The following RASGEF1C variants were observed in gnomAD, a reference collection of about 807,000 sequenced individuals.
RASGEF1C encodes RasGEF domain family member 1C.
In RASGEF1C, 27 loss-of-function variants were observed where a neutral mutation model predicts 58.1. The observed-to-expected ratio is 0.46, with a 90% CI of 0.34 to 0.64. The LOEUF is 0.64. Among genes scored for constraint, RASGEF1C ranks in the 30% least tolerant of loss-of-function variants. The probability of loss-of-function intolerance (pLI) is 0.01; values close to 1 mark genes in which losing one functional copy is unlikely to be tolerated. For missense variants in RASGEF1C, 502 were observed against 605.1 expected (o/e 0.83, Z 1.79); for synonymous variants, 243 against 246.3 (o/e 0.99, Z 0.13).
At chr5:180,164,414 T>C (rs947668438) in intron 1 of RASGEF1C, among the ~76,000 whole-genome samples, 2 of 152,322 alleles carry the variant, frequency 1.3e-5, no homozygotes, top group South Asian at 2.1e-4. Context: ...TATCTATTTA[T>C]GGGGTACAAT....
In RASGEF1C at chr5:180,143,601, C is replaced by G. The variant is rs1032342758; in HGVS notation, c.-6-5543G>C. 5.9e-5 allele frequency among the ~76,000 whole-genome samples: 9 copies of G among 152,202 alleles called. No individual in the cohort carries two copies. Among genetic ancestry groups the G allele is most frequent in the Non-Finnish European group, 1.3e-4 (9 of 68,028 alleles). On this transcript the variant is annotated intron_variant, in intron 1 of 13. Transcript: ENST00000361132. The surrounding 1 kb of genome is among the most constrained non-coding windows in gnomAD (Gnocchi z 4.3). ...CTGGGAGCTGGCGTGCTCAGACCTT[C>G]CTGGTGTAAAAGTCATCCAGGACAT...
chr5:180,154,068 T>C (rs1581110662), intron 1 of RASGEF1C, among the ~76,000 whole-genome samples: 1 of 152,200 alleles, frequency 6.6e-6, no homozygotes, highest in Admixed American at 6.5e-5. Flanking sequence ...CTTCTCAGAG[T>C]CCACGATTCT....
At chr5:180,185,430 C>G (rs1041445025) in intron 1 of RASGEF1C, among the ~76,000 whole-genome samples, 3 of 151,582 alleles carry the variant, frequency 2.0e-5, no homozygotes, top group Admixed American at 6.6e-5. Flanking sequence ...ACTAAAAATA[C>G]AAAAATTAGC....
intron 1 of RASGEF1C, among the ~76,000 whole-genome samples, chr5:180,182,204 C>CAAAAAAA (rs1156831010): frequency 1.7e-3 from 38 of 22,766 alleles, no homozygotes; most frequent in African/African-American, 5.7e-3. Flanking sequence ...GACTCCGTCT[C>CAAAAAAA]AAAAAAAAAA....
intron 1 of RASGEF1C, among the ~76,000 whole-genome samples, chr5:180,187,280 G>C (rs951599005): frequency 1.3e-5 from 2 of 152,170 alleles, no homozygotes; most frequent in Admixed American, 6.5e-5. Context: ...AAATGGATCA[G>C]AGACCTATAT....
At chr5:180,200,143 C>G in intron 1 of RASGEF1C, among the ~76,000 whole-genome samples, 1 of 151,758 alleles carries the variant, frequency 6.6e-6, no homozygotes, top group East Asian at 2.0e-4. Context: ...GCCTGTAATT[C>G]CAGCTACTCA....
At chr5:180,190,450 A>C (rs374355456) in intron 1 of RASGEF1C, among the ~76,000 whole-genome samples, 5,313 of 138,984 alleles carry the variant, frequency 0.038, 232 homozygotes, top group East Asian at 0.16. Context: ...AGATCGCGCC[A>C]CTGCACTCCA....
chr5:180,103,234 C>G lies in RASGEF1C; in HGVS notation c.1304-1091G>C, dbSNP rs370279912. ...CTGGGACTACAGGTACCCACCACCA[C>G]GCCCGGCTAATGTTTTGTATTTTTA... On this transcript the variant is annotated intron_variant, in intron 12 of 13. Transcript: ENST00000361132. 5.3e-5 allele frequency among the ~76,000 whole-genome samples: 8 copies of G among 152,250 alleles called. No homozygotes were observed. The South Asian group carries it at 1.7e-3, about 32-fold the overall frequency.
rs2127563725 is a variant in RASGEF1C, at chr5:180,197,280, C to T, written c.-7+11748G>A. Among the ~76,000 whole-genome samples, 1 of 152,340 alleles carries T rather than the reference C, an allele frequency of 6.6e-6. No homozygotes were observed. The highest frequency in any genetic ancestry group is 1.9e-4 in the East Asian group (1 of 5,188). On this transcript the variant is annotated intron_variant, in intron 1 of 13. Transcript: ENST00000361132. The surrounding 1 kb of genome is among the most constrained non-coding windows in gnomAD (Gnocchi z 4.7). ...CAACAATGGCTGGGACAGAGGGGAG[C>T]CCGAACCCTGGGACGGCAGGGGGAA... is the stretch of plus-strand genomic sequence containing the variant.
intron 1 of RASGEF1C, among the ~76,000 whole-genome samples, chr5:180,154,073 G>A (rs570255865): frequency 1.0e-3 from 154 of 152,290 alleles, no homozygotes; most frequent in African/African-American, 2.9e-3. Flanking sequence ...CAGAGTCCAC[G>A]ATTCTGTTCA....
chr5:180,123,044 T>C (rs1304451037), intron 6 of RASGEF1C, among the ~76,000 whole-genome samples: 1 of 152,106 alleles, frequency 6.6e-6, no homozygotes, highest in Non-Finnish European at 1.5e-5. Context: ...GAGAAAAATA[T>C]ATCTGATAAA....
At chr5:180,111,394 G>T in intron 12 of RASGEF1C, 63 bp downstream of exon 12, 2 of 1,609,912 alleles carry the variant, frequency 1.2e-6, no homozygotes, top group Non-Finnish European at 1.7e-6. Context: ...CCTGAATGGT[G>T]ACTGAGAGGC....
chr5:180,118,932 C>A, intron 8 of RASGEF1C, 66 bp from the exon 9 acceptor site: 1 of 1,452,166 alleles, frequency 6.9e-7, no homozygotes, highest in Non-Finnish European at 9.7e-7. Context: ...GTAGCTGCAC[C>A]CCCTTGGACT....
At chr5:180,131,984 C>G (rs1766377447) in intron 4 of RASGEF1C, among the ~76,000 whole-genome samples, 1 of 152,216 alleles carries the variant, frequency 6.6e-6, no homozygotes, top group African/African-American at 2.4e-5. Context: ...GCTATCTGCC[C>G]TGCTCCTTGG....
At chr5:180,203,085 T>G (rs373000274) in intron 1 of RASGEF1C, among the ~76,000 whole-genome samples, 2 of 152,020 alleles carry the variant, frequency 1.3e-5, no homozygotes, top group South Asian at 2.1e-4. Flanking sequence ...TTGGCAAAAA[T>G]AAATATTAGT....
rs573885499 is a variant in RASGEF1C at position 180,135,708 on chromosome 5, C to T, written c.438+670G>A. On this transcript the variant is annotated intron_variant, in intron 4 of 13. Transcript: ENST00000361132. Reference sequence around the variant, plus strand: ...AGAGCAAAGCAGGTGTGGGCCACAGCAGCACTTGATGCCCAGCACACCTAA... The same window carrying T: ...AGAGCAAAGCAGGTGTGGGCCACAGTAGCACTTGATGCCCAGCACACCTAA... Among the ~76,000 whole-genome samples, 31 of 152,322 alleles carry T rather than the reference C, an allele frequency of 2.0e-4. No homozygotes were observed. The South Asian group carries it at 3.9e-3, about 19-fold the overall frequency.
intron 1 of RASGEF1C, 62 bp downstream of exon 1, chr5:180,208,966 G>A (rs1167096220): frequency 1.4e-5 from 2 of 145,458 alleles, no homozygotes; most frequent in Non-Finnish European, 3.1e-5. Flanking sequence ...GCCCTCCCCA[G>A]CCCCCGCGAG....
At chr5:180,181,122 C>T (rs568711019) in intron 1 of RASGEF1C, among the ~76,000 whole-genome samples, 59 of 152,338 alleles carry the variant, frequency 3.9e-4, no homozygotes, top group Admixed American at 4.6e-4. Flanking sequence ...TGGGGCTCTG[C>T]CCCTCCCATC....
chr5:180,202,804 G>A (rs1392363699), intron 1 of RASGEF1C, among the ~76,000 whole-genome samples: 2 of 151,354 alleles, frequency 1.3e-5, no homozygotes, highest in Admixed American at 6.6e-5. Flanking sequence ...CCGGGTTCAC[G>A]CCATTCTCCT....
Sources: gnomAD v4.1 joint callset for allele counts (sites outside exome capture counted in the v4.1 genomes callset) on GRCh38, gnomAD v4.1.1 for gene constraint, Gnocchi (gnomAD v3.1) non-coding constraint, MANE v1.5 for transcripts, NCBI Gene and HGNC (gene_info 2026-07-23, HGNC 2026-07-21) for gene names.